SLC35F3: variants seen among roughly 807,000 people sequenced by gnomAD.
The protein encoded by SLC35F3 is solute carrier family 35 member F3.
In SLC35F3, 25 loss-of-function variants were observed where a neutral mutation model predicts 49.9. The observed-to-expected ratio is 0.50, with a 90% CI of 0.37 to 0.70. The LOEUF is 0.70. Ranked by LOEUF, SLC35F3 falls within the 30% of genes least tolerant of loss-of-function variation. The pLI, the probability that SLC35F3 is intolerant of heterozygous loss-of-function variation, is 0.00. For missense variants in SLC35F3, 525 were observed against 639.8 expected, an observed-to-expected ratio of 0.82 and a Z score of 1.94; for synonymous variants, 275 against 265.4, an observed-to-expected ratio of 1.04 and a Z score of -0.35.
chr1:233,924,670 G>A (rs1191774601), intron 2 of SLC35F3, among the ~76,000 whole-genome samples: 1 of 152,088 alleles, frequency 6.6e-6, no homozygotes, highest in East Asian at 1.9e-4. Context: ...CTTGCCTTCT[G>A]CTAGCTTTTG....
chr1:234,137,506 T>C (rs1665829041), intron 2 of SLC35F3, among the ~76,000 whole-genome samples: 1 of 151,884 alleles, frequency 6.6e-6, no homozygotes, highest in Non-Finnish European at 1.5e-5. Flanking sequence ...GAGGAAGGAA[T>C]GGGAAGTAAA....
At chr1:234,066,039 A>C (rs1664612114) in intron 2 of SLC35F3, among the ~76,000 whole-genome samples, 1 of 152,160 alleles carries the variant, frequency 6.6e-6, no homozygotes, top group Admixed American at 6.5e-5. Context: ...TGGTGGCACG[A>C]TTCTGCTCTG....
intron 2 of SLC35F3, among the ~76,000 whole-genome samples, chr1:233,973,629 C>T (rs1270038454): frequency 6.6e-6 from 1 of 152,078 alleles, no homozygotes; most frequent in East Asian, 1.9e-4. Context: ...AATTTATAAC[C>T]GACAAAAGGC....
chr1:234,262,586 C>A (rs1291672821), intron 3 of SLC35F3, among the ~76,000 whole-genome samples: 4 of 152,186 alleles, frequency 2.6e-5, no homozygotes, highest in Non-Finnish European at 5.9e-5. Flanking sequence ...TCCTGGTCCT[C>A]CGGAGGGCCG....
At chr1:234,244,082 C>T (rs759471839) in intron 3 of SLC35F3, among the ~76,000 whole-genome samples, 46 of 152,254 alleles carry the variant, frequency 3.0e-4, no homozygotes, top group Non-Finnish European at 4.7e-4. Flanking sequence ...AAGAGTTTGG[C>T]ATAACAGCTA....
At chr1:233,921,249 T>C (rs1312685487) in intron 2 of SLC35F3, among the ~76,000 whole-genome samples, 1 of 152,226 alleles carries the variant, frequency 6.6e-6, no homozygotes, top group Non-Finnish European at 1.5e-5. Flanking sequence ...AGAGCTCTTT[T>C]AAGTTCATAC....
intron 1 of SLC35F3, 118 bp downstream of exon 1, chr1:233,905,248 C>A (rs1661753266): frequency 3.6e-6 from 4 of 1,108,466 alleles, no homozygotes; most frequent in Admixed American, 2.1e-5. Context: ...GCGGCGCGCG[C>A]GGTGGAGCTG....
chr1:234,171,892 C>G (rs2102919227), intron 2 of SLC35F3, among the ~76,000 whole-genome samples: 1 of 152,312 alleles, frequency 6.6e-6, no homozygotes, highest in South Asian at 2.1e-4. Context: ...CGGAACATCA[C>G]TATGAACCCC....
chr1:234,296,846 G>A lies in SLC35F3; in HGVS notation c.609-12255G>A, dbSNP rs548276488. 5.5e-4 allele frequency among the ~76,000 whole-genome samples: 84 copies of A among 152,286 alleles called. No individual in the cohort carries two copies. The South Asian group carries it at 0.016, about 29-fold the overall frequency. ...CACGTTCCCTCTCCAAGACCTTATC[G>A]TTCAGGCTGGACCAGTCCTCAAGGG... is the stretch of plus-strand genomic sequence containing the variant. On this transcript the variant is annotated intron_variant, in intron 3 of 7. Transcript: ENST00000366618.
At chr1:234,011,877 A>G (rs1192410860) in intron 2 of SLC35F3, among the ~76,000 whole-genome samples, 1 of 152,144 alleles carries the variant, frequency 6.6e-6, no homozygotes, top group Non-Finnish European at 1.5e-5. Flanking sequence ...GACTGAGAAA[A>G]GAAATAAGAC....
At chr1:233,994,605 T>G (rs1663428663) in intron 2 of SLC35F3, among the ~76,000 whole-genome samples, 1 of 152,146 alleles carries the variant, frequency 6.6e-6, no homozygotes. Context: ...CCAAGGGAGT[T>G]AATGAGGCTT....
chr1:233,992,084 C>T (rs971043361), intron 2 of SLC35F3, among the ~76,000 whole-genome samples: 2 of 152,168 alleles, frequency 1.3e-5, no homozygotes, highest in Admixed American at 6.5e-5. Context: ...CCAACCCACA[C>T]GATGGTGAGC....
intron 2 of SLC35F3, among the ~76,000 whole-genome samples, chr1:234,144,485 A>C (rs746140568): frequency 6.6e-6 from 1 of 152,198 alleles, no homozygotes; most frequent in Non-Finnish European, 1.5e-5. Context: ...GATGGCTTTC[A>C]TCATTGAATC....
intron 2 of SLC35F3, among the ~76,000 whole-genome samples, chr1:234,126,180 T>G (rs1665644426): frequency 6.6e-6 from 1 of 152,206 alleles, no homozygotes; most frequent in Admixed American, 6.5e-5. Flanking sequence ...ACTGCATCTT[T>G]CAGATTCACG....
In SLC35F3 at chr1:234,079,150, A is replaced by T. The variant is rs544569497; in HGVS notation, c.284-152267A>T. On this transcript the variant is annotated intron_variant, in intron 2 of 7. Coordinates refer to ENST00000366618, the MANE Select transcript of SLC35F3 (RefSeq NM_173508.4). ...ATATAGTTCAAGGGAATAGAATGAC[A>T]TAGTTCAGAAAGAAACCCATATATA... is the stretch of plus-strand genomic sequence containing the variant. Among the ~76,000 whole-genome samples, 14 of 152,372 alleles carry T rather than the reference A, an allele frequency of 9.2e-5. 1 individual carries two copies. The South Asian group carries it at 2.7e-3, about 29-fold the overall frequency.
intron 3 of SLC35F3, among the ~76,000 whole-genome samples, chr1:234,235,410 T>C (rs985581584): frequency 6.6e-6 from 1 of 152,194 alleles, no homozygotes; most frequent in African/African-American, 2.4e-5. Context: ...CCACCTAGCA[T>C]CTAGGGGAGG....
At chr1:234,111,713 G>A (rs1665410223) in intron 2 of SLC35F3, among the ~76,000 whole-genome samples, 1 of 152,216 alleles carries the variant, frequency 6.6e-6, no homozygotes, top group Admixed American at 6.5e-5. Context: ...CAAGCTGCTG[G>A]GTACCACATT....
In SLC35F3 at chr1:234,159,882, A is replaced by C. The variant is rs139855850; in HGVS notation, c.284-71535A>C. On this transcript the variant is annotated intron_variant, in intron 2 of 7. Coordinates refer to ENST00000366618, the MANE Select transcript of SLC35F3 (RefSeq NM_173508.4). ...ATGACCTGAAAAGTATACCTTTATC[A>C]GGCCCTTTGTGTCTGGACTAATTTC... Among the ~76,000 whole-genome samples, 108 of 152,294 alleles carry C rather than the reference A, an allele frequency of 7.1e-4. No homozygotes were observed. The Middle Eastern group carries it at 0.014, about 19-fold the overall frequency.
intron 2 of SLC35F3, among the ~76,000 whole-genome samples, chr1:234,209,536 C>T (rs540948993): frequency 3.6e-4 from 54 of 152,100 alleles, no homozygotes; most frequent in African/African-American, 1.1e-3. Context: ...AAGGAATATC[C>T]ATATTCATAT....
Sources: allele counts gnomAD v4.1 joint callset (sites outside exome capture counted in the v4.1 genomes callset), GRCh38; gene constraint gnomAD v4.1.1; transcripts MANE v1.5; gene names NCBI Gene and HGNC (gene_info 2026-07-23, HGNC 2026-07-21).